Variants in ADGB observed in about 807,000 individuals in gnomAD.
ADGB encodes calpain-7-like protein.
Under a neutral mutation model 210.5 loss-of-function variants are expected in ADGB, and 172 were observed. The observed-to-expected ratio is 0.82, with a 90% CI of 0.72 to 0.93. The LOEUF is 0.93. ADGB is among the 40% of genes least tolerant of loss of function. The pLI, the probability that ADGB is intolerant of heterozygous loss-of-function variation, is 0.00. For synonymous variants in ADGB, 658 were observed against 662.7 expected (o/e 0.99, Z 0.11); for missense variants, 2,025 against 1,964.8 (o/e 1.03, Z -0.58).
At chr6:146,764,454 CTT>C (rs1457258539) in intron 28 of ADGB, among the ~76,000 whole-genome samples, 4 of 151,852 alleles carry the variant, frequency 2.6e-5, no homozygotes, top group South Asian at 2.1e-4. Context: ...ATTAATAAAA[CTT>C]AATTTGTATG....
chr6:146,702,201 C>T (rs1244580895), intron 13 of ADGB, among the ~76,000 whole-genome samples: 2 of 151,850 alleles, frequency 1.3e-5, no homozygotes, highest in Non-Finnish European at 2.9e-5. Context: ...ATTCATTCAC[C>T]TCCTTGACCT....
chr6:146,615,148 C>G (rs1171270197), intron 1 of ADGB, among the ~76,000 whole-genome samples: 2 of 152,000 alleles, frequency 1.3e-5, no homozygotes, highest in Non-Finnish European at 2.9e-5. Flanking sequence ...CCTCGTGATC[C>G]CCCTGCCTTG....
intron 12 of ADGB, among the ~76,000 whole-genome samples, chr6:146,693,699 T>C (rs1158455736): frequency 6.6e-6 from 1 of 152,150 alleles, no homozygotes; most frequent in Non-Finnish European, 1.5e-5. Flanking sequence ...TGTCCAAATC[T>C]ATTTCTTTTT....
chr6:146,773,701 A>G (rs990793573), intron 29 of ADGB, among the ~76,000 whole-genome samples: 1 of 152,196 alleles, frequency 6.6e-6, no homozygotes. Flanking sequence ...TGAAGGTTCT[A>G]ACATAAGTCT....
intron 7 of ADGB, among the ~76,000 whole-genome samples, chr6:146,671,373 A>G (rs2114901698): frequency 6.6e-6 from 1 of 152,298 alleles, no homozygotes; most frequent in African/African-American, 2.4e-5. Context: ...CACTGCACTG[A>G]GAAAAGGTAG....
At chr6:146,709,041 C>T (rs2114554981) in intron 13 of ADGB, among the ~76,000 whole-genome samples, 1 of 152,202 alleles carries the variant, frequency 6.6e-6, no homozygotes, top group East Asian at 1.9e-4. Context: ...GTAATGTTCA[C>T]CTCTAGAATT....
chr6:146,749,216 C>A (rs927436107), intron 26 of ADGB, among the ~76,000 whole-genome samples: 1 of 152,108 alleles, frequency 6.6e-6, no homozygotes, highest in Non-Finnish European at 1.5e-5. Flanking sequence ...GCAAGGTGGG[C>A]CATAGGAAGA....
chr6:146,785,039 C>G lies in ADGB; in HGVS notation c.4212+245C>G, dbSNP rs111475845. On this transcript the variant is annotated intron_variant, in intron 31 of 35. Coordinates refer to ENST00000397944, the MANE Select transcript of ADGB (RefSeq NM_024694.4). The stretch of plus-strand genomic sequence containing the variant: ...TGGTGGTACCAATTATAGGCCCACA[C>G]TATGGGTTACCTCATTCTTTCACAT... Among the ~76,000 whole-genome samples the G allele has an allele frequency of 4.7e-3, 720 of 152,300 alleles. 9 individuals carry two copies. The highest frequency in any genetic ancestry group is 0.017 in the African/African-American group (698 of 41,562).
At chr6:146,808,762 A>C (rs1435584843) in intron 35 of ADGB, among the ~76,000 whole-genome samples, 1 of 152,106 alleles carries the variant, frequency 6.6e-6, no homozygotes, top group Admixed American at 6.6e-5. Context: ...GCACAATCTC[A>C]GCTCACTGCA....
intron 2 of ADGB, 86 bp downstream of exon 2, chr6:146,635,623 T>C: frequency 7.5e-7 from 1 of 1,333,270 alleles, no homozygotes; most frequent in Admixed American, 3.1e-5. Flanking sequence ...AAGGTATTCA[T>C]TCTTCTCCAT....
At chr6:146,643,327 G>A (rs1175665123) in intron 2 of ADGB, among the ~76,000 whole-genome samples, 1 of 151,834 alleles carries the variant, frequency 6.6e-6, no homozygotes, top group Middle Eastern at 3.4e-3. Flanking sequence ...CCGGCCTTAG[G>A]GTAAAAACGT....
chr6:146,693,819 TC>T (rs1184110805), intron 12 of ADGB, among the ~76,000 whole-genome samples: 1 of 152,150 alleles, frequency 6.6e-6, no homozygotes, highest in East Asian at 1.9e-4. Flanking sequence ...AGTTCTACCT[TC>T]CGCAAAACAC....
At chr6:146,686,714 C>T (rs1333421846) in intron 10 of ADGB, among the ~76,000 whole-genome samples, 1 of 152,102 alleles carries the variant, frequency 6.6e-6, no homozygotes, top group Non-Finnish European at 1.5e-5. Flanking sequence ...TGCCCTACTG[C>T]TTTTGGGGTT....
rs528201173 is a variant in ADGB, at chr6:146,738,601, ACCATGC to A, written c.2889-1854_2889-1849del. On this transcript the variant is annotated intron_variant, in intron 23 of 35. Coordinates refer to ENST00000397944, the MANE Select transcript of ADGB (RefSeq NM_024694.4). ...AGTAGCTGGGACTACAGGTGCTACC[ACCATGC>A]CCAGCTAATTTTTTGTATTTTTAGT... Among the ~76,000 whole-genome samples, 6 of 151,730 alleles carry A rather than the reference ACCATGC, an allele frequency of 4.0e-5. No homozygotes were observed. The South Asian group carries it at 1.0e-3, about 26-fold the overall frequency.
chr6:146,809,490 G>T (rs1360795170), intron 35 of ADGB, among the ~76,000 whole-genome samples: 1 of 152,082 alleles, frequency 6.6e-6, no homozygotes, highest in Non-Finnish European at 1.5e-5. Flanking sequence ...ACAGGCTGGA[G>T]CCATGGCACC....
intron 35 of ADGB, among the ~76,000 whole-genome samples, chr6:146,811,217 A>G (rs923826124): frequency 4.6e-5 from 7 of 152,132 alleles, no homozygotes; most frequent in African/African-American, 1.7e-4. Flanking sequence ...TCATATGCTC[A>G]CACCAATATT....
intron 14 of ADGB, among the ~76,000 whole-genome samples, chr6:146,715,840 C>T (rs1481643854): frequency 3.3e-5 from 5 of 151,914 alleles, no homozygotes; most frequent in South Asian, 4.2e-4. Flanking sequence ...GAGGCTGAGG[C>T]GGGCAGATCA....
chr6:146,726,264 A>C (rs1776893882), intron 19 of ADGB, 67 bp downstream of exon 19: 1 of 1,134,540 alleles, frequency 8.8e-7, no homozygotes, highest in Non-Finnish European at 1.3e-6. Flanking sequence ...CACTGTTGCC[A>C]GGGCTGGAGT....
At chr6:146,616,987 C>T (rs1306811294) in intron 1 of ADGB, among the ~76,000 whole-genome samples, 1 of 152,094 alleles carries the variant, frequency 6.6e-6, no homozygotes, top group Non-Finnish European at 1.5e-5. Context: ...TGAAGAATGG[C>T]ATTGGTATTT....
Sources: allele counts gnomAD v4.1 joint callset (sites outside exome capture counted in the v4.1 genomes callset), GRCh38; gene constraint gnomAD v4.1.1; transcripts MANE v1.5; gene names NCBI Gene and HGNC (gene_info 2026-07-23, HGNC 2026-07-21).